The following MAP3K13 variants were observed in gnomAD, a reference collection of about 807,000 sequenced individuals.
MAP3K13 encodes the protein mitogen-activated protein kinase kinase kinase 13.
Under a neutral mutation model 104.0 loss-of-function variants are expected in MAP3K13, and 52 were observed. That is an observed-to-expected ratio of 0.50 (90% confidence interval 0.40 to 0.63). The LOEUF is 0.63. MAP3K13 is among the 20% of genes least tolerant of loss of function. MAP3K13 has a pLI of 0.00. For synonymous variants in MAP3K13, 394 were observed against 442.2 expected (o/e 0.89, Z 1.37); for missense variants, 914 against 1,218.5 (o/e 0.75, Z 3.72).
chr3:185,356,671 A>T (rs927434981), intron 2 of MAP3K13, among the ~76,000 whole-genome samples: 2 of 152,180 alleles, frequency 1.3e-5, no homozygotes, highest in African/African-American at 4.8e-5. Context: ...GATTATGCTT[A>T]TTGGCTGGCT....
chr3:185,418,405 C>T lies in MAP3K13; in HGVS notation c.-85-10092C>T. ...TAGGGCTGAGGCAGCCAGGGCAGAA[C>T]AGATGGCATATCGTTTTTGGGTTGT... On this transcript the variant is annotated intron_variant, in intron 1 of 13. Transcript: ENST00000265026. The surrounding 1 kb of genome is among the most constrained non-coding windows in gnomAD (Gnocchi z 4.5). 6.2e-7 allele frequency: 1 copy of T among 1,607,404 alleles called. No individual in the cohort carries two copies. The highest frequency in any genetic ancestry group is 8.5e-7 in the Non-Finnish European group (1 of 1,175,640).
chr3:185,356,863 CATGTATGTATGT>C (rs72268579), intron 2 of MAP3K13, among the ~76,000 whole-genome samples: 1,598 of 149,618 alleles, frequency 0.011, 30 homozygotes, highest in African/African-American at 0.037. Flanking sequence ...AGGCAGACTT[CATGTATGTATGT>C]ATGTATGTAT....
chr3:185,382,232 T>C (rs372744575), intron 1 of MAP3K13, among the ~76,000 whole-genome samples: 1 of 147,168 alleles, frequency 6.8e-6, no homozygotes, highest in Non-Finnish European at 1.5e-5. Flanking sequence ...ACTAATAACA[T>C]AGAAAAATTA....
intron 1 of MAP3K13, among the ~76,000 whole-genome samples, chr3:185,415,646 C>T (rs1713723754): frequency 7.5e-6 from 1 of 133,356 alleles, no homozygotes; most frequent in Non-Finnish European, 1.5e-5. Flanking sequence ...TACAATGGTG[C>T]CGTCTTGTCT....
intron 3 of MAP3K13, among the ~76,000 whole-genome samples, chr3:185,439,757 T>TC (rs1715227531): frequency 6.6e-6 from 1 of 152,206 alleles, no homozygotes; most frequent in African/African-American, 2.4e-5. Flanking sequence ...TCTTCCTTTT[T>TC]CCCACCTCTC....
intron 2 of MAP3K13, chr3:185,292,263 C>G (rs1372348751): frequency 6.6e-6 from 1 of 152,230 alleles, no homozygotes; most frequent in Non-Finnish European, 1.5e-5. Context: ...CAAGATCACG[C>G]CACTGCATTC....
chr3:185,429,810 C>A (rs1358238485), intron 2 of MAP3K13, among the ~76,000 whole-genome samples: 1 of 152,028 alleles, frequency 6.6e-6, no homozygotes, highest in Non-Finnish European at 1.5e-5. Flanking sequence ...TATTTTCTTA[C>A]AATAAAGGCA....
At chr3:185,383,899 A>G (rs1007957064) in intron 1 of MAP3K13, among the ~76,000 whole-genome samples, 7 of 152,198 alleles carry the variant, frequency 4.6e-5, no homozygotes, top group African/African-American at 1.7e-4. Flanking sequence ...TGATCGTATC[A>G]GGGTATTTAG....
rs1273798453 is a variant in MAP3K13, at chr3:185,484,765, CATT to C, written c.*2315_*2317del. On this transcript the variant is annotated 3_prime_UTR_variant, in exon 14 of 14. Coordinates refer to ENST00000265026, the MANE Select transcript of MAP3K13 (RefSeq NM_004721.5). ...CTACATGAAAGATCTTAAGTTATGG[CATT>C]ATTATCATTGTTATTTTATTTTATA... The C allele has an allele frequency of 6.6e-6, 1 of 152,116 alleles. No homozygotes were observed. Among genetic ancestry groups the C allele is most frequent in the East Asian group, 1.9e-4 (1 of 5,200 alleles). The allele number at this position is 152,116 out of a possible 1,614,324, so 9.4% of individuals were successfully genotyped here. A position where few individuals can be genotyped will look rare whatever the true frequency, so the allele number is the denominator to read the frequency against.
rs374097556 is a variant in MAP3K13 at position 185,473,493 on chromosome 3, G to C, written c.2162G>C (p.Trp721Ser). 1.1e-5 allele frequency: 17 copies of C among 1,614,086 alleles called. No individual in the cohort carries two copies. The highest frequency in any genetic ancestry group is 4.0e-5 in the African/African-American group (3 of 74,934). ...CCTGACAAGGGCCAAGCTGGTCCCT[G>C]GGGCTGTTGCCAGGCTGACGCTTAT... The part of the protein sequence containing the change: ...SEPDKGQAGP[W>S]GCCQADAYDP... The change falls in exon 11 of 14, where the codon TGG (tryptophan) becomes TCG (serine). Residue 721 changes from tryptophan (W) to serine (S), a missense_variant. Around this residue, in one of 3 missense-constraint regions of MAP3K13, gnomAD observed 583 missense variants for 737.4 expected, o/e 0.79. Coordinates refer to ENST00000265026, the MANE Select transcript of MAP3K13 (RefSeq NM_004721.5). The surrounding 1 kb of genome is among the most constrained non-coding windows in gnomAD (Gnocchi z 4.9).
chr3:185,389,223 A>G lies in MAP3K13; in HGVS notation c.-86+25855A>G, dbSNP rs184983040. Among the ~76,000 whole-genome samples the G allele has an allele frequency of 1.3e-4, 20 of 152,228 alleles. No homozygotes were observed. In the East Asian group the frequency reaches 2.5e-3, roughly 19 times the overall value. On this transcript the variant is annotated intron_variant, in intron 1 of 13. Coordinates refer to ENST00000265026, the MANE Select transcript of MAP3K13 (RefSeq NM_004721.5). ...GTCTTGCCTAATCATAGCCTTCCAA[A>G]TTTCTGTACACAATCCCATTCTTTC...
Position 185,486,101 on chromosome 3 carries a change from T to C in MAP3K13, c.*3645T>C, listed in dbSNP as rs1718704748. 1 of 152,200 alleles carries C rather than the reference T, an allele frequency of 6.6e-6. No individual in the cohort carries two copies. The highest frequency in any genetic ancestry group is 2.1e-4 in the South Asian group (1 of 4,832). The allele number at this position is 152,200 out of a possible 1,614,324, so 9.4% of individuals were successfully genotyped here. On this transcript the variant is annotated 3_prime_UTR_variant, in exon 14 of 14. Coordinates refer to ENST00000265026, the MANE Select transcript of MAP3K13 (RefSeq NM_004721.5). ...GTTTTGTCCAATTCTTGCCCACCTT[T>C]AGTGGCAACAGAGAAACATGAGGGT...
chr3:185,293,819 A>G (rs1720828603), intron 2 of MAP3K13, among the ~76,000 whole-genome samples: 1 of 152,162 alleles, frequency 6.6e-6, no homozygotes, highest in Non-Finnish European at 1.5e-5. Flanking sequence ...ACTTTATGCT[A>G]CTACTCGTGA....
At chr3:185,395,353 A>ATGTCTTT (rs1560083056) in intron 1 of MAP3K13, among the ~76,000 whole-genome samples, 2 of 18,512 alleles carry the variant, frequency 1.1e-4, no homozygotes, top group African/African-American at 3.5e-4. Context: ...ATTCAATATT[A>ATGTCTTT]TTTCTTTTTT....
At chr3:185,338,952 CAA>C (rs1195403921) in intron 2 of MAP3K13, among the ~76,000 whole-genome samples, 1 of 152,080 alleles carries the variant, frequency 6.6e-6, no homozygotes, top group African/African-American at 2.4e-5. Context: ...GACATAATAA[CAA>C]GAGCACAAAA....
intron 2 of MAP3K13, among the ~76,000 whole-genome samples, chr3:185,353,498 C>T (rs1463586764): frequency 1.3e-5 from 2 of 152,208 alleles, no homozygotes; most frequent in East Asian, 1.9e-4. Context: ...GGTCGGTTTA[C>T]ACCTCTACTT....
chr3:185,469,122 A>G (rs1361808781), intron 10 of MAP3K13, among the ~76,000 whole-genome samples: 1 of 152,312 alleles, frequency 6.6e-6, no homozygotes, highest in African/African-American at 2.4e-5. Context: ...GGACAGTCCA[A>G]TGATTACCTA....
chr3:185,426,318 G>T (rs998787733), intron 1 of MAP3K13, among the ~76,000 whole-genome samples: 3 of 152,164 alleles, frequency 2.0e-5, no homozygotes, highest in Non-Finnish European at 2.9e-5. Context: ...CTGACCTCAT[G>T]ATCTGCCCAC....
chr3:185,353,521 A>G (rs1723217182), intron 2 of MAP3K13, among the ~76,000 whole-genome samples: 1 of 152,216 alleles, frequency 6.6e-6, no homozygotes, highest in Non-Finnish European at 1.5e-5. Flanking sequence ...TACAGTTTAC[A>G]ATATACAGAA....
Sources: gnomAD v4.1 joint callset for allele counts (sites outside exome capture counted in the v4.1 genomes callset) on GRCh38, gnomAD v4.1.1 for gene constraint, gnomAD v4.1.1 regional missense constraint, Gnocchi (gnomAD v3.1) non-coding constraint, MANE v1.5 for transcripts, NCBI Gene and HGNC (gene_info 2026-07-23, HGNC 2026-07-21) for gene names.